The following TNFAIP1 variants were observed in gnomAD, a reference collection of about 807,000 sequenced individuals.
TNFAIP1 encodes BTB/POZ domain-containing adapter for CUL3-mediated RhoA degradation protein 2.
TNFAIP1 carries 20 observed loss-of-function variants against 32.6 expected under a neutral mutation model. That is an observed-to-expected ratio of 0.61 (90% CI 0.43 to 0.89). The LOEUF is 0.89. TNFAIP1 is among the 40% of genes least tolerant of loss of function. The pLI is 0.00. For synonymous variants in TNFAIP1, 166 were observed against 166.8 expected, an observed-to-expected ratio of 1.00 and a Z score of 0.04; for missense variants, 319 against 425.1, an observed-to-expected ratio of 0.75 and a Z score of 2.20.
chr17:28,341,496 G>C, intron 5 of TNFAIP1, 40 bp downstream of exon 5: 1 of 1,609,886 alleles, frequency 6.2e-7, no homozygotes, highest in African/African-American at 1.3e-5. Flanking sequence ...CTGGGCAGCA[G>C]ACCCAAGGAG....
rs782514659 is a variant in TNFAIP1, at chr17:28,342,501, G to A, written c.714+59G>A. 5.2e-5 allele frequency: 78 copies of A among 1,492,780 alleles called. 1 individual carries two copies. The Middle Eastern group carries it at 7.3e-4, about 14-fold the overall frequency. 92.5% of individuals were successfully genotyped at this position (1,492,780 alleles called of 1,614,324 possible). ...GACACACACCCACTGTGCGGGGGAC[G>A]TGGTCGGGCTGTGACCAGCACGGAG... On this transcript the variant is annotated intron_variant, in intron 6 of 6. Coordinates refer to ENST00000226225, the MANE Select transcript of TNFAIP1 (RefSeq NM_021137.5). The surrounding 1 kb of genome is among the most constrained non-coding windows in gnomAD (Gnocchi z 4.0).
In TNFAIP1 at chr17:28,341,439, C is replaced by T. The variant is rs782321000; in HGVS notation, c.501C>T (p.Asn167=). Residue 167 remains asparagine, a synonymous_variant, in exon 5 of 7, where the codon AAC becomes AAT. Coordinates refer to ENST00000226225, the MANE Select transcript of TNFAIP1 (RefSeq NM_021137.5). ...AGCTGCTGTACAACAGAAGCAACAA[C>T]AAGTATTCCTACACCAGGTAGGGTG... ...VVKLLYNRSN[N]KYSYTSNSDD... is the part of the protein sequence containing the mutation. The T allele has an allele frequency of 7.4e-6, 12 of 1,614,066 alleles. No individual in the cohort carries two copies. Among genetic ancestry groups the T allele is most frequent in the Non-Finnish European group, 8.5e-6 (10 of 1,180,034 alleles).
At chr17:28,336,744 C>T (rs1371765229) in intron 1 of TNFAIP1, among the ~76,000 whole-genome samples, 3 of 152,110 alleles carry the variant, frequency 2.0e-5, no homozygotes, top group Non-Finnish European at 4.4e-5. Flanking sequence ...CCTCCCATAC[C>T]CAACCCCTGT....
intron 6 of TNFAIP1, among the ~76,000 whole-genome samples, chr17:28,343,706 T>C (rs1182443314): frequency 6.6e-6 from 1 of 151,736 alleles, no homozygotes; most frequent in African/African-American, 2.4e-5. Context: ...AACATGCCTG[T>C]GAGACACGCA....
At position 28,344,700 on chromosome 17, in the gene TNFAIP1, C is replaced by T. The variant is rs559652770; in HGVS notation, c.*100C>T. ...TGCTGCTGCTGCCTGGGTCTCTGCT[C>T]TAGCACCCAGAGGCATGACAGGCCC... On this transcript the variant is annotated 3_prime_UTR_variant, in exon 7 of 7. Transcript: ENST00000226225. The T allele has an allele frequency of 2.4e-6, 3 of 1,243,572 alleles. No individual in the cohort carries two copies. The highest frequency in any genetic ancestry group is 1.8e-5 in the Admixed American group (1 of 55,878). The allele number at this position is 1,243,572 out of a possible 1,614,324, so 77.0% of individuals were successfully genotyped here.
chr17:28,342,605 T>A lies in TNFAIP1; in HGVS notation c.714+163T>A. The A allele has an allele frequency of 1.5e-6, 1 of 664,308 alleles. No individual in the cohort carries two copies. Among genetic ancestry groups the A allele is most frequent in the Admixed American group, 3.0e-5 (1 of 33,546 alleles). 41.2% of individuals were successfully genotyped at this position (664,308 alleles called of 1,614,324 possible). A position where few individuals can be genotyped will look rare whatever the true frequency, so the allele number is the denominator to read the frequency against. ...AAGGACAAGGCCAGAACAAGGGGTG[T>A]GGGGAATGGACGGGAACTGCTTTGT... On this transcript the variant is annotated intron_variant, in intron 6 of 6. Coordinates refer to ENST00000226225, the MANE Select transcript of TNFAIP1 (RefSeq NM_021137.5). This position sits in a 1 kb window ranked among gnomAD's most constrained non-coding sequence, Gnocchi z 4.0.
intron 6 of TNFAIP1, among the ~76,000 whole-genome samples, chr17:28,343,917 T>C (rs782593400): frequency 3.9e-5 from 6 of 152,198 alleles, no homozygotes; most frequent in Non-Finnish European, 7.3e-5. Flanking sequence ...TGTATGCCTC[T>C]GCTTGGTGGT....
In TNFAIP1 at chr17:28,344,759, GACC is replaced by G; in HGVS notation, c.*162_*164del. ...GGTCAGAGGGTCTGGGCAGAGGAGG[GACC>G]ACATTCCCCTGCCTTGCCCCTGAGC... On this transcript the variant is annotated 3_prime_UTR_variant, in exon 7 of 7. Coordinates refer to ENST00000226225, the MANE Select transcript of TNFAIP1 (RefSeq NM_021137.5). 1 of 697,944 alleles carries G rather than the reference GACC, an allele frequency of 1.4e-6. No homozygotes were observed. The highest frequency in any genetic ancestry group is 2.4e-6 in the Non-Finnish European group (1 of 414,672). 43.2% of individuals were successfully genotyped at this position (697,944 alleles called of 1,614,324 possible). A position where few individuals can be genotyped will look rare whatever the true frequency, so the allele number is the denominator to read the frequency against.
rs1907385556 is a variant in TNFAIP1 at position 28,342,175 on chromosome 17, C to G, written c.519-72C>G. ...ATGGGGGAAGGGAGGGAGGGGAGGG[C>G]CCCACTTGTCTAGCACCCTCCCTTG... On this transcript the variant is annotated intron_variant, in intron 5 of 6. Coordinates refer to ENST00000226225, the MANE Select transcript of TNFAIP1 (RefSeq NM_021137.5). The surrounding 1 kb of genome is among the most constrained non-coding windows in gnomAD (Gnocchi z 4.0). The G allele has an allele frequency of 3.7e-6, 5 of 1,337,344 alleles. No homozygotes were observed. In the South Asian group the frequency reaches 7.6e-5, roughly 20 times the overall value. 82.8% of individuals were successfully genotyped at this position (1,337,344 alleles called of 1,614,324 possible). A position where few individuals can be genotyped will look rare whatever the true frequency, so the allele number is the denominator to read the frequency against.
chr17:28,346,036 C>T lies in TNFAIP1; in HGVS notation c.*1436C>T, dbSNP rs1417122970. ...CCCACTTTCTGCTCTTTGGAGAGAA[C>T]ACAGGTTATCAAGTTCATCTCTCTT... is the stretch of plus-strand genomic sequence containing the variant. On this transcript the variant is annotated 3_prime_UTR_variant, in exon 7 of 7. Coordinates refer to ENST00000226225, the MANE Select transcript of TNFAIP1 (RefSeq NM_021137.5). 3.3e-5 allele frequency: 5 copies of T among 152,222 alleles called. No homozygotes were observed. The highest frequency in any genetic ancestry group is 2.0e-4 in the Admixed American group (3 of 15,284). The allele number at this position is 152,222 out of a possible 1,614,324, so 9.4% of individuals were successfully genotyped here. A position where few individuals can be genotyped will look rare whatever the true frequency, so the allele number is the denominator to read the frequency against.
Position 28,342,290 on chromosome 17 carries a change from A to C in TNFAIP1, c.562A>C (p.Lys188Gln). 1 of 1,590,420 alleles carries C rather than the reference A, an allele frequency of 6.3e-7. No individual in the cohort carries two copies. Among genetic ancestry groups the C allele is most frequent in the Non-Finnish European group, 8.6e-7 (1 of 1,160,082 alleles). ...GCTGAAAAACATCGAGCTGTTTGAC[A>C]AGCTCTCCCTGCGCTTCAACGGCCG... Reference protein sequence around the residue: ...HLLKNIELFDKLSLRFNGRVL... With the variant: ...HLLKNIELFDQLSLRFNGRVL... Residue 188 changes from lysine to glutamine, a missense_variant, in exon 6 of 7, where the codon AAG becomes CAG. Transcript: ENST00000226225. This position sits in a 1 kb window ranked among gnomAD's most constrained non-coding sequence, Gnocchi z 4.0.
chr17:28,338,105 G>C (rs1907238019), intron 1 of TNFAIP1, among the ~76,000 whole-genome samples: 1 of 152,202 alleles, frequency 6.6e-6, no homozygotes, highest in Admixed American at 6.5e-5. Flanking sequence ...TAGGCACTCA[G>C]TAGTTTAATT....
Position 28,340,392 on chromosome 17 carries a change from A to C in TNFAIP1, c.289A>C (p.Asn97His). 1.2e-6 allele frequency: 2 copies of C among 1,614,022 alleles called. No individual in the cohort carries two copies. Among genetic ancestry groups the C allele is most frequent in the Non-Finnish European group, 1.7e-6 (2 of 1,179,984 alleles). The change falls in exon 3 of 7, where the codon AAC becomes CAC. Residue 97 changes from asparagine to histidine, a missense_variant. Physicochemically the swap from Asn to His is moderately conservative, Grantham distance 68 (BLOSUM62 1). Transcript: ENST00000226225. The surrounding 1 kb of genome is among the most constrained non-coding windows in gnomAD (Gnocchi z 4.1). Reference sequence around the variant, plus strand: ...AGATGACACCATCACCCTCCCTCAGAACCGGCAAGAAATCAAGGAATTGAT... The same window carrying C: ...AGATGACACCATCACCCTCCCTCAGCACCGGCAAGAAATCAAGGAATTGAT... ...LRDDTITLPQ[N>H]RQEIKELMAE...
chr17:28,344,479 C>A lies in TNFAIP1; in HGVS notation c.830C>A (p.Ala277Asp). Reference sequence around the variant, plus strand: ...GCCACAAGCCGTAGCCGCAGCCAGGCTTCCCCCAGTGAAGATGAGGAGACC... The same window carrying A: ...GCCACAAGCCGTAGCCGCAGCCAGGATTCCCCCAGTGAAGATGAGGAGACC... ...LEATSRSRSQ[A>D]SPSEDEETFE... The change falls in exon 7 of 7, where the codon GCT (alanine) becomes GAT (aspartate). Residue 277 changes from alanine (A) to aspartate (D), a missense_variant. Ala to Asp is a moderately radical substitution (Grantham distance 126). Coordinates refer to ENST00000226225, the MANE Select transcript of TNFAIP1 (RefSeq NM_021137.5). The A allele has an allele frequency of 6.2e-7, 1 of 1,614,076 alleles. No individual in the cohort carries two copies. The highest frequency in any genetic ancestry group is 8.5e-7 in the Non-Finnish European group (1 of 1,180,038).
chr17:28,340,381 C>T lies in TNFAIP1; in HGVS notation c.278C>T (p.Thr93Ile). ...ILNYLRDDTI[T>I]LPQNRQEIKE... ...AATTACCTCCGAGATGACACCATCA[C>T]CCTCCCTCAGAACCGGCAAGAAATC... The change falls in exon 3 of 7, where the codon ACC becomes ATC. Residue 93 changes from threonine (T) to isoleucine (I), a missense_variant. By Grantham distance (89) the Thr-to-Ile change is moderately conservative (BLOSUM62 -1). Transcript: ENST00000226225. The surrounding 1 kb of genome is among the most constrained non-coding windows in gnomAD (Gnocchi z 4.1). The T allele has an allele frequency of 1.2e-6, 2 of 1,614,142 alleles. No individual in the cohort carries two copies. Among genetic ancestry groups the T allele is most frequent in the Non-Finnish European group, 8.5e-7 (1 of 1,180,018 alleles).
At chr17:28,336,030 G>C (rs1555577372) in intron 1 of TNFAIP1, among the ~76,000 whole-genome samples, 174 bp downstream of exon 1, 1 of 152,180 alleles carries the variant, frequency 6.6e-6, no homozygotes, top group Non-Finnish European at 1.5e-5. Flanking sequence ...TCGGTAGTGA[G>C]GAGTGGTCCG....
chr17:28,341,534 C>T (rs2234117), intron 5 of TNFAIP1, 78 bp downstream of exon 5: 139,885 of 1,543,954 alleles, frequency 0.091, 7,321 homozygotes, highest in East Asian at 0.19. Flanking sequence ...GCACGGTCGG[C>T]GTGGGTCTGG....
In TNFAIP1 at chr17:28,342,193, C is replaced by T. The variant is rs192859748; in HGVS notation, c.519-54C>T. 47 of 1,469,712 alleles carry T rather than the reference C, an allele frequency of 3.2e-5. No homozygotes were observed. In the African/African-American group the frequency reaches 6.5e-4, roughly 20 times the overall value. 91.0% of individuals were successfully genotyped at this position (1,469,712 alleles called of 1,614,324 possible). ...GGGAGGGCCCCACTTGTCTAGCACC[C>T]TCCCTTGGACTGGAACCTCACTCCC... is the stretch of plus-strand genomic sequence containing the variant. On this transcript the variant is annotated intron_variant, in intron 5 of 6. Transcript: ENST00000226225. This position sits in a 1 kb window ranked among gnomAD's most constrained non-coding sequence, Gnocchi z 4.0.
chr17:28,336,223 G>T (rs562217768), intron 1 of TNFAIP1, among the ~76,000 whole-genome samples: 1 of 152,262 alleles, frequency 6.6e-6, no homozygotes, highest in South Asian at 2.1e-4. Context: ...CCACCTCCGC[G>T]GCTGTTTGCC....
Sources: gnomAD v4.1 joint callset for allele counts (sites outside exome capture counted in the v4.1 genomes callset) on GRCh38, gnomAD v4.1.1 for gene constraint, Gnocchi (gnomAD v3.1) non-coding constraint, MANE v1.5 for transcripts, NCBI Gene and HGNC (gene_info 2026-07-23, HGNC 2026-07-21) for gene names.